The following OTC variants were observed in gnomAD, a reference collection of about 807,000 sequenced individuals.
OTC encodes the protein ornithine transcarbamylase.
A neutral mutation model predicts 30.3 loss-of-function variants in OTC; 3 were observed. The observed-to-expected ratio is 0.10, with a 90% CI of 0.05 to 0.26. OTC has a LOEUF of 0.26. OTC is among the 10% of genes least tolerant of loss of function. The probability of loss-of-function intolerance (pLI) is 1.00; values close to 1 mark genes in which losing one functional copy is unlikely to be tolerated. For missense variants in OTC, 194 were observed against 260.3 expected, an observed-to-expected ratio of 0.75 and a Z score of 1.75; for synonymous variants, 111 against 99.7, an observed-to-expected ratio of 1.11 and a Z score of -0.67.
chrX:38,338,605 G>A, the OTC span, among the ~76,000 whole-genome samples: 3 of 111,861 alleles, frequency 2.7e-5, no homozygotes, highest in East Asian at 8.3e-4. Flanking sequence ...TTTGTTTTTT[G>A]CAAACAAGAT....
At chrX:38,410,071 A>G (rs1215155699) in intron 8 of OTC, among the ~76,000 whole-genome samples, 5 of 111,430 alleles carry the variant, frequency 4.5e-5, no homozygotes, top group African/African-American at 6.5e-5. Flanking sequence ...TACTTTTTCC[A>G]CTTAACAAAT....
rs946274938 is a variant in OTC at position 38,389,879 on chromosome X, C to A, written c.386+8450C>A. Among the ~76,000 whole-genome samples, 3 of 111,236 alleles carry A rather than the reference C, an allele frequency of 2.7e-5. No homozygotes were observed. The South Asian group carries it at 1.1e-3, about 43-fold the overall frequency. ...TGCATTATATGAGGGTAAATGAGAT[C>A]GTGCTTGTAAAGGACACACGCACAG... On this transcript the variant is annotated intron_variant, in intron 4 of 9. Coordinates refer to ENST00000039007, the MANE Select transcript of OTC (RefSeq NM_000531.6).
chrX:38,415,819 C>T (rs2068568121), intron 9 of OTC, among the ~76,000 whole-genome samples: 1 of 112,225 alleles, frequency 8.9e-6, no homozygotes, highest in Admixed American at 9.4e-5. Context: ...CGTGCCACTG[C>T]ACTCCAGCCT....
rs751854417 is a variant in OTC at position 38,361,166 on chromosome X, G to A, written c.78-6125G>A. 8.1e-5 allele frequency among the ~76,000 whole-genome samples: 9 copies of A among 111,728 alleles called. No individual in the cohort carries two copies. In the South Asian group the frequency reaches 2.2e-3, roughly 28 times the overall value. ...TAAAAAACACAAAAATTAGCCAGGC[G>A]TGGTGGCAGACGCTTGTAATCCCAG... On this transcript the variant is annotated intron_variant, in intron 1 of 9. Coordinates refer to ENST00000039007, the MANE Select transcript of OTC (RefSeq NM_000531.6).
the OTC span, among the ~76,000 whole-genome samples, chrX:38,336,948 C>T: frequency 2.4e-4 from 27 of 112,319 alleles, no homozygotes; most frequent in African/African-American, 8.4e-4. Context: ...AACTAGCAGA[C>T]AAGAGTACAG....
At position 38,401,386 on chromosome X, in the gene OTC, G is replaced by C. The variant is rs759911602; in HGVS notation, c.498G>C (p.Leu166Phe). The change falls in exon 5 of 10, where the codon TTG becomes TTC. Residue 166 changes from leucine to phenylalanine, a missense_variant. Coordinates refer to ENST00000039007, the MANE Select transcript of OTC (RefSeq NM_000531.6). The stretch of plus-strand genomic sequence containing the variant: ...CAATTATCAATGGGCTGTCAGATTT[G>C]TACCATCCTATCCAGATCCTGGCTG... ...SIPIINGLSD[L>F]YHPIQILADY... is the part of the protein sequence containing the mutation. The C allele has an allele frequency of 2.5e-6, 3 of 1,205,810 alleles. No individual in the cohort carries two copies. The highest frequency in any genetic ancestry group is 3.4e-6 in the Non-Finnish European group (3 of 891,498).
intron 4 of OTC, among the ~76,000 whole-genome samples, chrX:38,384,057 G>A (rs965728202): frequency 1.8e-5 from 2 of 112,242 alleles, no homozygotes; most frequent in Admixed American, 1.9e-4. Context: ...ATTAGGCACT[G>A]AACATATTGC....
At chrX:38,344,089 T>C in the OTC span, among the ~76,000 whole-genome samples, 9 of 111,578 alleles carry the variant, frequency 8.1e-5, no homozygotes, top group African/African-American at 2.9e-4. Context: ...GAGGTTGCCA[T>C]GAGCCGAGGT....
At chrX:38,346,813 G>A in the OTC span, among the ~76,000 whole-genome samples, 9 of 112,300 alleles carry the variant, frequency 8.0e-5, no homozygotes, top group African/African-American at 2.6e-4. Flanking sequence ...TGATTACAAA[G>A]GAATTTAAAA....
At chrX:38,414,710 AT>A (rs1046187790) in intron 9 of OTC, among the ~76,000 whole-genome samples, 9 of 112,272 alleles carry the variant, frequency 8.0e-5, no homozygotes, top group Admixed American at 7.6e-4. Flanking sequence ...GGCTACAGGA[AT>A]TCTGTTGAGA....
chrX:38,378,957 G>C (rs1288143248), intron 3 of OTC, among the ~76,000 whole-genome samples: 1 of 111,448 alleles, frequency 9.0e-6, no homozygotes, highest in Non-Finnish European at 1.9e-5. Context: ...GGCTTGTGCA[G>C]TTTGAACCTC....
At chrX:38,374,126 T>C (rs1569274243) in intron 3 of OTC, among the ~76,000 whole-genome samples, 1 of 111,429 alleles carries the variant, frequency 9.0e-6, no homozygotes, top group Non-Finnish European at 1.9e-5. Context: ...AACGCGCCAC[T>C]GCTTCCAGCC....
At chrX:38,368,768 C>T (rs548754165) in intron 2 of OTC, among the ~76,000 whole-genome samples, 35 of 99,148 alleles carry the variant, frequency 3.5e-4, no homozygotes, top group African/African-American at 1.3e-3. Context: ...CAGGAGTGAC[C>T]GCAACTGCTA....
At chrX:38,354,636 G>A (rs200214754) in intron 1 of OTC, among the ~76,000 whole-genome samples, 91 of 111,074 alleles carry the variant, frequency 8.2e-4, no homozygotes, top group African/African-American at 2.8e-3. Flanking sequence ...GTGAATGGGG[G>A]CTGGCACAAA....
At chrX:38,417,485 G>A (rs1246863310) in intron 9 of OTC, among the ~76,000 whole-genome samples, 2 of 111,294 alleles carry the variant, frequency 1.8e-5, no homozygotes, top group Non-Finnish European at 3.8e-5. Flanking sequence ...GGACAGGTAG[G>A]TGCAGATCCA....
intron 1 of OTC, among the ~76,000 whole-genome samples, chrX:38,353,214 T>G (rs1212232439): frequency 8.9e-6 from 1 of 112,282 alleles, no homozygotes; most frequent in Non-Finnish European, 1.9e-5. Context: ...CAAAGACGCC[T>G]TATATGTGAT....
intron 4 of OTC, among the ~76,000 whole-genome samples, chrX:38,393,511 C>T (rs1432198289): frequency 8.9e-6 from 1 of 111,859 alleles, no homozygotes; most frequent in African/African-American, 3.3e-5. Context: ...TATACTTTCT[C>T]AGGGTTTATG....
chrX:38,344,236 T>TAC, the OTC span, among the ~76,000 whole-genome samples: 1 of 32,970 alleles, frequency 3.0e-5, no homozygotes, highest in African/African-American at 1.2e-4. Context: ...GTGATATATA[T>TAC]ATATACACAC....
the OTC span, among the ~76,000 whole-genome samples, chrX:38,340,459 GTTTTTTTTTTTTTGTTT>G: frequency 5.0e-5 from 3 of 60,540 alleles, no homozygotes; most frequent in African/African-American, 6.5e-5. Flanking sequence ...TTGTTTTTTT[GTTTTTTTTTTTTTGTTT>G]TTTTTTTTTT....
Sources: gnomAD v4.1 joint callset for allele counts (sites outside exome capture counted in the v4.1 genomes callset) on GRCh38, gnomAD v4.1.1 for gene constraint, MANE v1.5 for transcripts, NCBI Gene and HGNC (gene_info 2026-07-23, HGNC 2026-07-21) for gene names.